NSUN6: variants seen among roughly 807,000 people sequenced by gnomAD.
NSUN6 encodes tRNA (cytosine(72)-C(5))-methyltransferase NSUN6.
Under a neutral mutation model 58.0 loss-of-function variants are expected in NSUN6, and 64 were observed. The observed-to-expected ratio is 1.10, with a 90% CI of 0.90 to 1.36. NSUN6 has a LOEUF of 1.36. NSUN6 is among the 40% of genes most tolerant of loss of function. The pLI, the probability that NSUN6 is intolerant of heterozygous loss-of-function variation, is 0.00. For synonymous variants in NSUN6, 231 were observed against 193.9 expected, an observed-to-expected ratio of 1.19 and a Z score of -1.59; for missense variants, 701 against 550.1, an observed-to-expected ratio of 1.27 and a Z score of -2.74.
intron 3 of NSUN6, among the ~76,000 whole-genome samples, chr10:18,627,758 C>T (rs1346324223): frequency 7.9e-5 from 12 of 152,256 alleles, no homozygotes; most frequent in Non-Finnish European, 1.3e-4. Context: ...GAGGGTCCTA[C>T]GCCCACGGAG....
At chr10:18,590,074 C>G (rs1242351604) in intron 7 of NSUN6, among the ~76,000 whole-genome samples, 6 of 151,492 alleles carry the variant, frequency 4.0e-5, no homozygotes, top group Non-Finnish European at 8.8e-5. Context: ...TTTACCAAGT[C>G]AATGGAAAGC....
chr10:18,590,127 G>C (rs1454197407), intron 7 of NSUN6, among the ~76,000 whole-genome samples: 1 of 152,070 alleles, frequency 6.6e-6, no homozygotes, highest in Non-Finnish European at 1.5e-5. Flanking sequence ...TGATAAAACA[G>C]ACTTTAAACC....
At chr10:18,578,931 T>A (rs983373805) in intron 8 of NSUN6, among the ~76,000 whole-genome samples, 1 of 152,186 alleles carries the variant, frequency 6.6e-6, no homozygotes, top group African/African-American at 2.4e-5. Context: ...AATGGTAATG[T>A]GTCATCTCTG....
intron 3 of NSUN6, among the ~76,000 whole-genome samples, chr10:18,627,352 A>C (rs1349791664): frequency 1.3e-5 from 2 of 152,238 alleles, no homozygotes; most frequent in Admixed American, 6.5e-5. Flanking sequence ...TCAGAGGAAG[A>C]AAACACCCTT....
chr10:18,642,715 A>C (rs1268415368), intron 2 of NSUN6, among the ~76,000 whole-genome samples, 160 bp from the exon 3 acceptor site: 1 of 152,204 alleles, frequency 6.6e-6, no homozygotes, highest in East Asian at 1.9e-4. Flanking sequence ...AAAAGACCTC[A>C]AAACAACAAT....
chr10:18,583,197 A>G lies in NSUN6; in HGVS notation c.922+2752T>C, dbSNP rs1277950935. ...CTTCTTCTGGACAATAAGTCTTAGGATCTCTCCACCACGCATCTTGTAACC... is the reference window on the plus strand; with the variant it reads ...CTTCTTCTGGACAATAAGTCTTAGGGTCTCTCCACCACGCATCTTGTAACC... On this transcript the variant is annotated intron_variant, in intron 8 of 10. Coordinates refer to ENST00000377304, the MANE Select transcript of NSUN6 (RefSeq NM_182543.5). Among the ~76,000 whole-genome samples, 10 of 152,248 alleles carry G rather than the reference A, an allele frequency of 6.6e-5. No homozygotes were observed. The East Asian group carries it at 1.9e-3, about 29-fold the overall frequency.
At chr10:18,627,683 C>G (rs975509431) in intron 3 of NSUN6, among the ~76,000 whole-genome samples, 1 of 152,212 alleles carries the variant, frequency 6.6e-6, no homozygotes, top group Non-Finnish European at 1.5e-5. Flanking sequence ...CACTCCCACC[C>G]CAATACCGCG....
chr10:18,623,422 G>A (rs551270136), intron 3 of NSUN6, among the ~76,000 whole-genome samples: 1 of 152,316 alleles, frequency 6.6e-6, no homozygotes, highest in African/African-American at 2.4e-5. Context: ...TTGCGATGAT[G>A]AGAAAAAATT....
At chr10:18,627,075 C>G (rs866492605) in intron 3 of NSUN6, among the ~76,000 whole-genome samples, 1 of 152,172 alleles carries the variant, frequency 6.6e-6, no homozygotes, top group African/African-American at 2.4e-5. Flanking sequence ...TTTATCAAGA[C>G]AAGTCTGGCA....
At chr10:18,547,988 T>A in intron 10 of NSUN6, 124 bp downstream of exon 10, 1 of 918,798 alleles carries the variant, frequency 1.1e-6, no homozygotes. Context: ...AGATAAGCAT[T>A]CTTGTTTATT....
At chr10:18,589,103 A>G (rs2057282597) in intron 7 of NSUN6, among the ~76,000 whole-genome samples, 1 of 152,236 alleles carries the variant, frequency 6.6e-6, no homozygotes, top group South Asian at 2.1e-4. Context: ...AAAACACAGC[A>G]TGAGAACTTC....
At chr10:18,569,593 A>C (rs1243206351) in intron 8 of NSUN6, among the ~76,000 whole-genome samples, 1 of 148,500 alleles carries the variant, frequency 6.7e-6, no homozygotes, top group African/African-American at 2.5e-5. Context: ...TCCATTCTCC[A>C]CACCATTCCA....
chr10:18,606,796 G>C (rs1041673191), intron 6 of NSUN6, among the ~76,000 whole-genome samples: 4 of 152,116 alleles, frequency 2.6e-5, no homozygotes, highest in African/African-American at 7.2e-5. Flanking sequence ...ATAGACTCTA[G>C]GTACCCATAT....
At chr10:18,589,228 T>C (rs994947901) in intron 7 of NSUN6, among the ~76,000 whole-genome samples, 4 of 151,734 alleles carry the variant, frequency 2.6e-5, no homozygotes, top group African/African-American at 4.8e-5. Flanking sequence ...GAAAAAACAA[T>C]GAAAAGGAGT....
chr10:18,611,709 CAG>C (rs1314040882), intron 5 of NSUN6, among the ~76,000 whole-genome samples: 1 of 144,462 alleles, frequency 6.9e-6, no homozygotes, highest in Non-Finnish European at 1.5e-5. Flanking sequence ...TGTGTGTGGA[CAG>C]AGTCTCACTA....
chr10:18,623,720 T>C (rs1240849467), intron 3 of NSUN6, among the ~76,000 whole-genome samples: 2 of 152,160 alleles, frequency 1.3e-5, no homozygotes, highest in South Asian at 2.1e-4. Context: ...AGAAAAGAAA[T>C]AGCAACCAAC....
At chr10:18,637,207 C>A (rs979425814) in intron 3 of NSUN6, among the ~76,000 whole-genome samples, 6 of 152,164 alleles carry the variant, frequency 3.9e-5, no homozygotes, top group African/African-American at 1.2e-4. Context: ...AGGTGATCCA[C>A]CCCCCTGGGC....
In NSUN6 at chr10:18,596,260, C is replaced by T; in HGVS notation, c.725G>A (p.Cys242Tyr). ...TGTTGTTTTCCCTCCAGGTGCTGCA[C>T]ACAAGTCTAGAATCTTCTCTCCAGG... ...PQPGEKILDL[C>Y]AAPGGKTTHI... Residue 242 changes from cysteine (C) to tyrosine (Y), a missense_variant, in exon 7 of 11, where the codon TGT becomes TAT. Transcript: ENST00000377304. The T allele has an allele frequency of 6.2e-7, 1 of 1,609,218 alleles. No individual in the cohort carries two copies. The highest frequency in any genetic ancestry group is 8.5e-7 in the Non-Finnish European group (1 of 1,175,576).
chr10:18,596,268 T>C lies in NSUN6; in HGVS notation c.717A>G (p.Leu239=). 1 of 1,605,654 alleles carries C rather than the reference T, an allele frequency of 6.2e-7. No homozygotes were observed. The highest frequency in any genetic ancestry group is 8.5e-7 in the Non-Finnish European group (1 of 1,172,258). Residue 239 remains leucine, a synonymous_variant, in exon 7 of 11, where the codon CTA becomes CTG. Coordinates refer to ENST00000377304, the MANE Select transcript of NSUN6 (RefSeq NM_182543.5). ...TCCCTCCAGGTGCTGCACACAAGTC[T>C]AGAATCTTCTCTCCAGGTTGAGGAT... ...VLNPQPGEKI[L]DLCAAPGGKT...
Sources: gnomAD v4.1 joint callset for allele counts (sites outside exome capture counted in the v4.1 genomes callset) on GRCh38, gnomAD v4.1.1 for gene constraint, MANE v1.5 for transcripts, NCBI Gene and HGNC (gene_info 2026-07-23, HGNC 2026-07-21) for gene names.